The following MME variants were observed in gnomAD, a reference collection of about 807,000 sequenced individuals.
The protein encoded by MME is neprilysin.
In MME, 98 loss-of-function variants were observed where a neutral mutation model predicts 113.2. The ratio of observed to expected loss-of-function variants is 0.87; its 90% CI spans 0.74 to 1.02. MME has a LOEUF of 1.02. Ranked by LOEUF, MME falls within the 50% of genes least tolerant of loss-of-function variation. The pLI, the probability that MME is intolerant of heterozygous loss-of-function variation, is 0.00. For missense variants in MME, 836 were observed against 896.0 expected (o/e 0.93, Z 0.86); for synonymous variants, 292 against 300.6 (o/e 0.97, Z 0.30).
At chr3:155,177,697 A>C (rs1004386652) in intron 22 of MME, among the ~76,000 whole-genome samples, 2 of 152,136 alleles carry the variant, frequency 1.3e-5, no homozygotes, top group Non-Finnish European at 2.9e-5. Flanking sequence ...TTTGTTTTTC[A>C]ATATTTCAGA....
chr3:155,149,754 C>G, intron 16 of MME, among the ~76,000 whole-genome samples: 1 of 152,032 alleles, frequency 6.6e-6, no homozygotes, highest in African/African-American at 2.4e-5. Flanking sequence ...GACAAAACTG[C>G]TAATGGAAAT....
chr3:155,037,985 G>A (rs1221200155), intron 1 of MME, among the ~76,000 whole-genome samples: 1 of 152,120 alleles, frequency 6.6e-6, no homozygotes, highest in East Asian at 1.9e-4. Context: ...GATGAAGTCA[G>A]GTATGTGTAA....
intron 8 of MME, among the ~76,000 whole-genome samples, chr3:155,133,052 A>ATATATATATATATATATATATAT (rs1720272906): frequency 1.2e-5 from 1 of 86,676 alleles, no homozygotes; most frequent in African/African-American, 4.5e-5. Context: ...AAAAAAAAAA[A>ATATATATATATATATATATATAT]AAAAAAAAAA....
intron 3 of MME, among the ~76,000 whole-genome samples, chr3:155,106,559 T>G (rs958145862): frequency 1.3e-5 from 2 of 152,218 alleles, no homozygotes; most frequent in Non-Finnish European, 2.9e-5. Context: ...AGTTTTCACA[T>G]TGCTGCCTTT....
chr3:155,180,413 G>A lies in MME; in HGVS notation c.2207G>A (p.Arg736His), dbSNP rs201935217. The change falls in exon 23 of 23, where the codon CGC (arginine) becomes CAC (histidine). Residue 736 changes from arginine to histidine, a missense_variant. Arg to His is a conservative substitution (Grantham distance 29). Coordinates refer to ENST00000360490, the MANE Select transcript of MME (RefSeq NM_007289.4). Reference sequence around the variant, plus strand: ...GAGTTTTCAGAAGCCTTTCACTGCCGCAAGAATTCATACATGAATCCAGAA... The same window carrying A: ...GAGTTTTCAGAAGCCTTTCACTGCCACAAGAATTCATACATGAATCCAGAA... ...SAEFSEAFHC[R>H]KNSYMNPEKK... is the part of the protein sequence containing the mutation. 24 of 1,613,474 alleles carry A rather than the reference G, an allele frequency of 1.5e-5. 1 individual carries two copies. Among genetic ancestry groups the A allele is most frequent in the Middle Eastern group, 1.7e-4 (1 of 6,058 alleles).
rs572687446 is a variant in MME at position 155,138,231 on chromosome 3, G to A, written c.850G>A (p.Ala284Thr). 1.9e-6 allele frequency: 3 copies of A among 1,613,412 alleles called. No individual in the cohort carries two copies. Among genetic ancestry groups the A allele is most frequent in the Non-Finnish European group, 2.5e-6 (3 of 1,179,602 alleles). ...NKVMELEKEIANATAKPEDRN... is the reference protein window; with the variant it reads ...NKVMELEKEITNATAKPEDRN... ...AGTTATGGAATTGGAAAAAGAAATT[G>A]CCAATGTAAAACACATTTTTTTTTC... is the stretch of plus-strand genomic sequence containing the variant. The change falls in exon 9 of 23, where the codon GCC becomes ACC. Residue 284 changes from alanine (A) to threonine (T), a missense_variant. Physicochemically the swap from Ala to Thr is moderately conservative, Grantham distance 58. Transcript: ENST00000360490.
At chr3:155,140,065 C>T (rs1167647961) in intron 9 of MME, 126 bp from the exon 10 acceptor site, 2 of 548,972 alleles carry the variant, frequency 3.6e-6, no homozygotes, top group Non-Finnish European at 6.1e-6. Flanking sequence ...AAACAAATTA[C>T]AAAAACAAGT....
At chr3:155,113,988 T>C (rs576489046) in intron 3 of MME, among the ~76,000 whole-genome samples, 3 of 152,266 alleles carry the variant, frequency 2.0e-5, no homozygotes, top group East Asian at 1.9e-4. Context: ...CTGGAAACCA[T>C]GTTTACCATA....
intron 8 of MME, among the ~76,000 whole-genome samples, chr3:155,119,310 A>G (rs2108262797): frequency 6.6e-6 from 1 of 151,850 alleles, no homozygotes; most frequent in African/African-American, 2.4e-5. Flanking sequence ...TTGGCCAGGT[A>G]GCCAGTGGGC....
At chr3:155,114,096 G>A (rs1718402469) in intron 3 of MME, among the ~76,000 whole-genome samples, 1 of 152,254 alleles carries the variant, frequency 6.6e-6, no homozygotes, top group East Asian at 1.9e-4. Context: ...TCATCTGAGA[G>A]CTTATATTCT....
chr3:155,111,503 T>G (rs7649252), intron 3 of MME, among the ~76,000 whole-genome samples: 1 of 152,196 alleles, frequency 6.6e-6, no homozygotes, highest in Non-Finnish European at 1.5e-5. Context: ...GTTGTGCAGA[T>G]GCAAGTAATT....
chr3:155,111,919 A>G (rs1718225029), intron 3 of MME, among the ~76,000 whole-genome samples: 2 of 152,294 alleles, frequency 1.3e-5, no homozygotes, highest in Admixed American at 1.3e-4. Context: ...CACTTCTTTC[A>G]GGCTCTAGTT....
intron 1 of MME, among the ~76,000 whole-genome samples, chr3:155,058,115 CA>C (rs1256631477): frequency 6.6e-6 from 1 of 151,944 alleles, no homozygotes; most frequent in African/African-American, 2.4e-5. Flanking sequence ...AAAAACAAGA[CA>C]AAAATAAACC....
chr3:155,159,433 G>A (rs781657601), intron 16 of MME, among the ~76,000 whole-genome samples: 4 of 152,118 alleles, frequency 2.6e-5, no homozygotes, highest in Non-Finnish European at 5.9e-5. Flanking sequence ...AAGTCAAGCA[G>A]TATCCATTTT....
intron 3 of MME, among the ~76,000 whole-genome samples, chr3:155,092,889 G>A (rs918178001): frequency 1.3e-5 from 2 of 152,050 alleles, no homozygotes; most frequent in African/African-American, 4.8e-5. Context: ...GGGACTTCTT[G>A]GGGTAATGGA....
At chr3:155,163,108 T>G (rs933484891) in intron 17 of MME, among the ~76,000 whole-genome samples, 1 of 151,950 alleles carries the variant, frequency 6.6e-6, no homozygotes, top group Non-Finnish European at 1.5e-5. Flanking sequence ...AACACTGTCT[T>G]AATGGATTTG....
chr3:155,152,036 GC>G (rs1406053996), intron 16 of MME, among the ~76,000 whole-genome samples: 2 of 151,970 alleles, frequency 1.3e-5, no homozygotes, highest in Non-Finnish European at 2.9e-5. Context: ...TATCCCTGTT[GC>G]CTGTCTCATG....
intron 1 of MME, among the ~76,000 whole-genome samples, chr3:155,048,148 G>A (rs1713629064): frequency 6.6e-6 from 1 of 152,084 alleles, no homozygotes; most frequent in Non-Finnish European, 1.5e-5. Context: ...GCATAGATAG[G>A]AGTTAGGCAG....
chr3:155,101,358 T>C (rs954862356), intron 3 of MME, among the ~76,000 whole-genome samples: 3 of 152,322 alleles, frequency 2.0e-5, no homozygotes, highest in Non-Finnish European at 4.4e-5. Context: ...AGTGGGAAGC[T>C]TTGAAAAGTT....
Sources: allele counts gnomAD v4.1 joint callset (sites outside exome capture counted in the v4.1 genomes callset), GRCh38; gene constraint gnomAD v4.1.1; transcripts MANE v1.5; gene names NCBI Gene and HGNC (gene_info 2026-07-23, HGNC 2026-07-21).